The following XRCC1 variants were observed in gnomAD, a reference collection of about 807,000 sequenced individuals.
XRCC1 encodes the protein X-ray repair cross complementing 1, also known as DNA repair protein XRCC1.
A neutral mutation model predicts 83.3 loss-of-function variants in XRCC1; 52 were observed. That is an observed-to-expected ratio of 0.62 (90% confidence interval 0.50 to 0.79). XRCC1 has a LOEUF of 0.79. Ranked by LOEUF, XRCC1 falls within the 30% of genes least tolerant of loss-of-function variation. The pLI is 0.00. For synonymous variants in XRCC1, 281 were observed against 312.6 expected, an observed-to-expected ratio of 0.90 and a Z score of 1.07; for missense variants, 793 against 823.5, an observed-to-expected ratio of 0.96 and a Z score of 0.45.
intron 16 of XRCC1, 25 bp from the exon 17 acceptor site, chr19:43,543,530 C>G (rs749106716): frequency 6.2e-7 from 1 of 1,613,292 alleles, no homozygotes; most frequent in Non-Finnish European, 8.5e-7. Context: ...GGAGTCCATA[C>G]GGGAATGTGT....
chr19:43,559,724 T>G (rs935554958), intron 3 of XRCC1, among the ~76,000 whole-genome samples: 3 of 152,032 alleles, frequency 2.0e-5, no homozygotes, highest in African/African-American at 4.8e-5. Flanking sequence ...CTTGAAGATG[T>G]TGAAATGGGG....
In XRCC1 at chr19:43,547,568, C is replaced by T. The variant is rs749742162; in HGVS notation, c.1200-591G>A. On this transcript the variant is annotated intron_variant, in intron 10 of 16. Transcript: ENST00000262887. ...TGATCTTGGCTCACTGCAACCTCCA[C>T]CTCCCAGGGTTCGAGCGAGTCTCCT... Among the ~76,000 whole-genome samples the T allele has an allele frequency of 4.9e-4, 74 of 151,110 alleles. 1 individual carries two copies. The highest frequency in any genetic ancestry group is 2.0e-4 in the Admixed American group (3 of 15,172).
chr19:43,545,819 T>C lies in XRCC1; in HGVS notation c.1620A>G (p.Pro540=). Residue 540 remains proline, a splice_region_variant and synonymous_variant, in exon 14 of 17, where the codon CCA becomes CCG. Transcript: ENST00000262887. ...EPPDLPVPEL[P]DFFQGKHFFL... is the part of the protein sequence containing the mutation. ...AGGAGGGATGGGGGGATTTCCCACC[T>C]GGGAGCTCAGGGACTGGCAGATCAG... is the stretch of plus-strand genomic sequence containing the variant. 1 of 1,613,630 alleles carries C rather than the reference T, an allele frequency of 6.2e-7. No individual in the cohort carries two copies. Among genetic ancestry groups the C allele is most frequent in the East Asian group, 2.2e-5 (1 of 44,872 alleles).
chr19:43,548,446 T>C (rs968343258), intron 10 of XRCC1, among the ~76,000 whole-genome samples: 1 of 152,376 alleles, frequency 6.6e-6, no homozygotes, highest in East Asian at 1.9e-4. Context: ...TCTTCTGCCT[T>C]GGGATGCTGT....
chr19:43,556,155 T>C (rs543526833), intron 3 of XRCC1, among the ~76,000 whole-genome samples: 1 of 152,144 alleles, frequency 6.6e-6, no homozygotes, highest in Non-Finnish European at 1.5e-5. Flanking sequence ...CCCAAAGCTA[T>C]AGAAGTACAA....
At chr19:43,547,917 A>G (rs1972529251) in intron 10 of XRCC1, among the ~76,000 whole-genome samples, 1 of 152,224 alleles carries the variant, frequency 6.6e-6, no homozygotes, top group Non-Finnish European at 1.5e-5. Context: ...ATTTAAGGGG[A>G]AAATCTCAAA....
intron 9 of XRCC1, 138 bp from the exon 10 acceptor site, chr19:43,551,825 G>A (rs1189102410): frequency 2.0e-6 from 2 of 996,736 alleles, no homozygotes; most frequent in Non-Finnish European, 3.1e-6. Flanking sequence ...GAAACAAAAA[G>A]AGGTTGGAGA....
chr19:43,552,728 T>C, intron 8 of XRCC1, 69 bp downstream of exon 8: 2 of 1,422,986 alleles, frequency 1.4e-6, no homozygotes, highest in Non-Finnish European at 1.9e-6. Flanking sequence ...GACAGCAGGC[T>C]CCAGCCCCGC....
chr19:43,548,705 C>T (rs1020040897), intron 10 of XRCC1, among the ~76,000 whole-genome samples: 1 of 146,748 alleles, frequency 6.8e-6, no homozygotes, highest in Non-Finnish European at 1.5e-5. Context: ...GCTGACCTTC[C>T]CTTCACTATT....
chr19:43,551,592 C>T lies in XRCC1; in HGVS notation c.1178G>A (p.Arg393His), dbSNP rs200842482. 9.9e-6 allele frequency: 16 copies of T among 1,614,150 alleles called. No individual in the cohort carries two copies. The East Asian group carries it at 2.7e-4, about 27-fold the overall frequency. The change falls in exon 10 of 17, where the codon CGT becomes CAT. Residue 393 changes from arginine (R) to histidine (H), a missense_variant. Transcript: ENST00000262887. ...TTACCTCTGGGAGGGCAGCCGCCGA[C>T]GCATGCGGTGACAGTCCAGCACCCA... Reference protein sequence around the residue: ...KEWVLDCHRMRRRLPSQRYLM... With the variant: ...KEWVLDCHRMHRRLPSQRYLM...
chr19:43,574,284 C>T (rs1054269604), intron 2 of XRCC1, among the ~76,000 whole-genome samples: 1 of 152,106 alleles, frequency 6.6e-6, no homozygotes, highest in African/African-American at 2.4e-5. Context: ...CTGTATTGCC[C>T]AGGCTGGTCT....
At position 43,548,119 on chromosome 19, in the gene XRCC1, G is replaced by GC. The variant is rs529382651; in HGVS notation, c.1200-1143dup. Among the ~76,000 whole-genome samples the GC allele has an allele frequency of 3.9e-3, 569 of 145,618 alleles. 2 individuals carry two copies. Among genetic ancestry groups the GC allele is most frequent in the African/African-American group, 0.013 (510 of 39,350 alleles). ...ATCCGGGAGGGAGGTGGGGGGGTCAGCCCCCGCCCGGCCAGCCGCCCCTCC... is the reference window on the plus strand; with the variant it reads ...ATCCGGGAGGGAGGTGGGGGGGTCAGCCCCCCGCCCGGCCAGCCGCCCCTCC... On this transcript the variant is annotated intron_variant, in intron 10 of 16. Transcript: ENST00000262887.
intron 2 of XRCC1, among the ~76,000 whole-genome samples, chr19:43,572,106 G>A (rs956432877): frequency 2.0e-5 from 3 of 152,188 alleles, no homozygotes; most frequent in East Asian, 3.9e-4. Context: ...GTTGGTGACC[G>A]CTGCAATACT....
Position 43,543,341 on chromosome 19 carries a change from CGTGTGTGTGTGTGTGTGTGTGTGTGT to C in XRCC1, c.*25_*50del. 3 of 1,043,298 alleles carry C rather than the reference CGTGTGTGTGTGTGTGTGTGTGTGTGT, an allele frequency of 2.9e-6. No individual in the cohort carries two copies. The highest frequency in any genetic ancestry group is 4.3e-6 in the Non-Finnish European group (3 of 699,860). The allele number at this position is 1,043,298 out of a possible 1,614,324, so 64.6% of individuals were successfully genotyped here. A position where few individuals can be genotyped will look rare whatever the true frequency, so the allele number is the denominator to read the frequency against. On this transcript the variant is annotated 3_prime_UTR_variant, in exon 17 of 17. Transcript: ENST00000262887. ...ACCAACTCATCTTTATTAAATGCAT[CGTGTGTGTGTGTGTGTGTGTGTGTGT>C]GTGTGTGTGTGTATAGCACATACTT...
chr19:43,552,507 C>T (rs1327206235), intron 8 of XRCC1, among the ~76,000 whole-genome samples: 1 of 150,580 alleles, frequency 6.6e-6, no homozygotes, highest in Non-Finnish European at 1.5e-5. Context: ...AGTCCAGGCC[C>T]CCAGCCCCTC....
chr19:43,547,463 C>T (rs762968273), intron 10 of XRCC1, among the ~76,000 whole-genome samples: 1 of 149,080 alleles, frequency 6.7e-6, no homozygotes, highest in Non-Finnish European at 1.5e-5. Flanking sequence ...GAATTACAGG[C>T]GTTAGCCACC....
chr19:43,554,291 A>G (rs531310161), intron 4 of XRCC1, among the ~76,000 whole-genome samples: 1 of 152,284 alleles, frequency 6.6e-6, no homozygotes, highest in East Asian at 1.9e-4. Context: ...CCAAGATCAC[A>G]CAGCTAAAAA....
At chr19:43,575,037 C>T in intron 1 of XRCC1, 35 bp from the exon 2 acceptor site, 1 of 1,542,764 alleles carries the variant, frequency 6.5e-7, no homozygotes, top group South Asian at 1.1e-5. Flanking sequence ...AATTAGGGCA[C>T]AGAGATGACA....
intron 2 of XRCC1, among the ~76,000 whole-genome samples, chr19:43,574,355 T>C (rs1446722526): frequency 1.3e-5 from 2 of 151,844 alleles, no homozygotes; most frequent in African/African-American, 4.8e-5. Context: ...GGATTACAGG[T>C]GTGAACCACC....
Sources: gnomAD v4.1 joint callset for allele counts (sites outside exome capture counted in the v4.1 genomes callset) on GRCh38, gnomAD v4.1.1 for gene constraint, MANE v1.5 for transcripts, NCBI Gene and HGNC (gene_info 2026-07-23, HGNC 2026-07-21) for gene names.